Variants in XKR4 observed in about 807,000 individuals in gnomAD.
XKR4 encodes the protein XK related 4, also known as XK-related protein 4.
In XKR4, 12 loss-of-function variants were observed where a neutral mutation model predicts 53.9. The observed-to-expected ratio is 0.22, with a 90% CI of 0.14 to 0.36. XKR4 has a LOEUF of 0.36. Among genes scored for constraint, XKR4 ranks in the 10% least tolerant of loss-of-function variants. The probability of loss-of-function intolerance (pLI) is 1.00; values close to 1 mark genes in which losing one functional copy is unlikely to be tolerated. For missense variants in XKR4, 799 were observed against 859.5 expected (o/e 0.93, Z 0.88); for synonymous variants, 354 against 362.4 (o/e 0.98, Z 0.26).
intron 2 of XKR4, among the ~76,000 whole-genome samples, chr8:55,493,593 A>G (rs1400329491): frequency 1.3e-5 from 2 of 152,242 alleles, no homozygotes; most frequent in Non-Finnish European, 2.9e-5. Context: ...GTCTGTAGCT[A>G]TAGCTACATT....
intron 1 of XKR4, among the ~76,000 whole-genome samples, chr8:55,356,575 A>G (rs1180033381): frequency 9.3e-6 from 1 of 107,312 alleles, no homozygotes; most frequent in Non-Finnish European, 1.9e-5. Context: ...TGAGTATTTG[A>G]TACTGTTAAG....
intron 2 of XKR4, among the ~76,000 whole-genome samples, chr8:55,501,613 T>C (rs1585608670): frequency 6.6e-6 from 1 of 152,336 alleles, no homozygotes; most frequent in African/African-American, 2.4e-5. Flanking sequence ...GGTTCATCCA[T>C]GTAGCATGTG....
At chr8:55,134,482 C>CA (rs1175951499) in intron 1 of XKR4, among the ~76,000 whole-genome samples, 3 of 152,170 alleles carry the variant, frequency 2.0e-5, no homozygotes, top group Non-Finnish European at 4.4e-5. Flanking sequence ...GAGAAAAAGT[C>CA]AAAATAATGT....
At chr8:55,466,200 C>T (rs1056278483) in intron 2 of XKR4, among the ~76,000 whole-genome samples, 51 of 152,144 alleles carry the variant, frequency 3.4e-4, no homozygotes, top group Middle Eastern at 3.4e-3. Context: ...ATGTTTATTG[C>T]GGCACTATTC....
intron 1 of XKR4, among the ~76,000 whole-genome samples, chr8:55,313,832 T>C (rs1384239936): frequency 1.3e-5 from 2 of 152,104 alleles, no homozygotes; most frequent in African/African-American, 4.8e-5. Flanking sequence ...GGGAAACCAA[T>C]GAATACAGAA....
At chr8:55,463,802 C>T (rs1330083432) in intron 2 of XKR4, among the ~76,000 whole-genome samples, 2 of 152,044 alleles carry the variant, frequency 1.3e-5, no homozygotes, top group Non-Finnish European at 2.9e-5. Context: ...ATATCACCAC[C>T]AATCCCACAG....
At chr8:55,483,446 G>A (rs1400150310) in intron 2 of XKR4, among the ~76,000 whole-genome samples, 1 of 152,014 alleles carries the variant, frequency 6.6e-6, no homozygotes, top group Non-Finnish European at 1.5e-5. Flanking sequence ...CTAGAAATAA[G>A]GTTTTCGTTG....
intron 2 of XKR4, among the ~76,000 whole-genome samples, chr8:55,448,611 T>A (rs1256309042): frequency 6.6e-6 from 1 of 152,210 alleles, no homozygotes; most frequent in Non-Finnish European, 1.5e-5. Context: ...TCTTAGTGGG[T>A]TTCTACTCTT....
chr8:55,175,528 A>G (rs968656306), intron 1 of XKR4, among the ~76,000 whole-genome samples: 3 of 152,232 alleles, frequency 2.0e-5, no homozygotes, highest in African/African-American at 7.2e-5. Context: ...TTGGTCATTC[A>G]GTGACTGAAG....
intron 1 of XKR4, among the ~76,000 whole-genome samples, chr8:55,141,308 A>G (rs1816698429): frequency 6.6e-6 from 1 of 151,914 alleles, no homozygotes; most frequent in Admixed American, 6.6e-5. Context: ...TCCTGGAGGT[A>G]TTCTTCTTCT....
intron 2 of XKR4, among the ~76,000 whole-genome samples, chr8:55,458,885 A>G (rs1805608912): frequency 6.6e-6 from 1 of 152,218 alleles, no homozygotes; most frequent in Non-Finnish European, 1.5e-5. Flanking sequence ...GGAAAAGGCA[A>G]CATTCAAGGG....
intron 1 of XKR4, among the ~76,000 whole-genome samples, chr8:55,242,041 C>G (rs1260733288): frequency 3.3e-5 from 5 of 151,882 alleles, no homozygotes; most frequent in Non-Finnish European, 7.4e-5. Context: ...AATAATAAAC[C>G]CTTTTATTCT....
In XKR4 at chr8:55,534,154, A is replaced by G. The variant is rs916606707; in HGVS notation, c.*9927A>G. 1 of 152,070 alleles carries G rather than the reference A, an allele frequency of 6.6e-6. No individual in the cohort carries two copies. Among genetic ancestry groups the G allele is most frequent in the Non-Finnish European group, 1.5e-5 (1 of 68,024 alleles). The allele number at this position is 152,070 out of a possible 1,614,324, so 9.4% of individuals were successfully genotyped here. ...AGACTACCATTGTCAGCATTGTAAT[A>G]ACCAATTTATAAAAATTGAGTTTTT... On this transcript the variant is annotated 3_prime_UTR_variant, in exon 3 of 3. Coordinates refer to ENST00000327381, the MANE Select transcript of XKR4 (RefSeq NM_052898.2).
chr8:55,175,829 A>G (rs760335501), intron 1 of XKR4, among the ~76,000 whole-genome samples: 6 of 152,330 alleles, frequency 3.9e-5, no homozygotes, highest in Middle Eastern at 3.4e-3. Context: ...AAATAAAATA[A>G]TCATGTATCC....
chr8:55,120,646 C>T (rs1167015732), intron 1 of XKR4, among the ~76,000 whole-genome samples: 2 of 151,926 alleles, frequency 1.3e-5, no homozygotes, highest in Admixed American at 1.3e-4. Flanking sequence ...CTTCTCCCAC[C>T]CACCATTTCC....
intron 1 of XKR4, among the ~76,000 whole-genome samples, chr8:55,290,228 C>A (rs796357778): frequency 2.0e-5 from 3 of 150,550 alleles, no homozygotes; most frequent in African/African-American, 7.3e-5. Context: ...TTCCCGGGTT[C>A]AATTGATTCT....
At chr8:55,484,665 G>T (rs561314824) in intron 2 of XKR4, among the ~76,000 whole-genome samples, 6 of 152,346 alleles carry the variant, frequency 3.9e-5, no homozygotes, top group South Asian at 2.1e-4. Flanking sequence ...GTCTGTAAGG[G>T]TGCTTTTGGG....
chr8:55,180,657 G>T (rs569457401), intron 1 of XKR4, among the ~76,000 whole-genome samples: 1 of 151,884 alleles, frequency 6.6e-6, no homozygotes, highest in African/African-American at 2.4e-5. Flanking sequence ...TCAGCCTCCC[G>T]AGCAGCTGGG....
At chr8:55,208,223 T>C (rs754958512) in intron 1 of XKR4, among the ~76,000 whole-genome samples, 9 of 152,164 alleles carry the variant, frequency 5.9e-5, no homozygotes, top group African/African-American at 9.7e-5. Context: ...GTATGTAATA[T>C]TATTAACTAG....
Sources: allele counts gnomAD v4.1 joint callset (sites outside exome capture counted in the v4.1 genomes callset), GRCh38; gene constraint gnomAD v4.1.1; transcripts MANE v1.5; gene names NCBI Gene and HGNC (gene_info 2026-07-23, HGNC 2026-07-21).